CSMD1: variants seen among roughly 807,000 people sequenced by gnomAD.
The protein encoded by CSMD1 is CUB and Sushi multiple domains 1.
Under a neutral mutation model 417.5 loss-of-function variants are expected in CSMD1, and 213 were observed. The ratio of observed to expected loss-of-function variants is 0.51; its 90% CI spans 0.46 to 0.57. CSMD1 has a LOEUF of 0.57. Ranked by LOEUF, CSMD1 falls within the 20% of genes least tolerant of loss-of-function variation. The pLI, the probability that CSMD1 is intolerant of heterozygous loss-of-function variation, is 0.00. For synonymous variants in CSMD1, 2,862 were observed against 1,736.8 expected (o/e 1.65, Z -16.11); for missense variants, 6,923 against 4,529.7 (o/e 1.53, Z -15.17).
chr8:3,931,885 C>A (rs2627332), intron 5 of CSMD1, among the ~76,000 whole-genome samples: 1 of 145,430 alleles, frequency 6.9e-6, no homozygotes. Context: ...GGTTGTCAGA[C>A]ATTGTAGGAA....
intron 26 of CSMD1, among the ~76,000 whole-genome samples, chr8:3,277,360 A>T (rs1395149857): frequency 6.6e-6 from 1 of 152,156 alleles, no homozygotes; most frequent in Non-Finnish European, 1.5e-5. Context: ...GGTGGGCCAG[A>T]AAGTACGCAG....
At chr8:3,031,943 C>A (rs1441775930) in intron 50 of CSMD1, among the ~76,000 whole-genome samples, 1 of 147,912 alleles carries the variant, frequency 6.8e-6, no homozygotes, top group Admixed American at 6.8e-5. Flanking sequence ...TAGTGACTGA[C>A]AAATTAGACA....
chr8:3,289,904 G>T (rs1313995905), intron 25 of CSMD1, among the ~76,000 whole-genome samples: 1 of 147,524 alleles, frequency 6.8e-6, no homozygotes, highest in Non-Finnish European at 1.5e-5. Context: ...CCTTACCCAT[G>T]CCTGTGTCCT....
At chr8:4,648,324 A>G (rs572661901) in intron 1 of CSMD1, among the ~76,000 whole-genome samples, 1 of 152,184 alleles carries the variant, frequency 6.6e-6, no homozygotes, top group South Asian at 2.1e-4. Flanking sequence ...CCCACCTGTG[A>G]GTCACTTAGG....
At chr8:4,119,593 T>C (rs1359571776) in intron 3 of CSMD1, among the ~76,000 whole-genome samples, 1 of 3,190 alleles carries the variant, frequency 3.1e-4, no homozygotes, top group East Asian at 0.17. Flanking sequence ...TGTTCTTCTA[T>C]CTAGGGAGGA....
At chr8:3,334,789 T>A (rs745743568) in intron 23 of CSMD1, among the ~76,000 whole-genome samples, 1 of 152,164 alleles carries the variant, frequency 6.6e-6, no homozygotes, top group Non-Finnish European at 1.5e-5. Flanking sequence ...TGGGACTTCC[T>A]AGGTCTCTCT....
intron 1 of CSMD1, among the ~76,000 whole-genome samples, chr8:4,902,603 T>G (rs1464163684): frequency 6.6e-6 from 1 of 152,246 alleles, no homozygotes; most frequent in Non-Finnish European, 1.5e-5. Flanking sequence ...TAACATCCTT[T>G]GACCATTGTA....
chr8:4,034,419 T>C (rs1797512105), intron 3 of CSMD1, among the ~76,000 whole-genome samples: 1 of 152,242 alleles, frequency 6.6e-6, no homozygotes, highest in Non-Finnish European at 1.5e-5. Flanking sequence ...TAGTTCACTA[T>C]TGTCTGCAAT....
At chr8:3,863,464 C>A (rs998361500) in intron 5 of CSMD1, among the ~76,000 whole-genome samples, 3 of 151,984 alleles carry the variant, frequency 2.0e-5, no homozygotes, top group Middle Eastern at 3.4e-3. Context: ...AGTCTCTTCC[C>A]AATGACCCCA....
At chr8:4,135,442 G>A (rs138259325) in intron 3 of CSMD1, among the ~76,000 whole-genome samples, 76 of 151,696 alleles carry the variant, frequency 5.0e-4, no homozygotes, top group African/African-American at 1.8e-3. Flanking sequence ...GGGAAGGACG[G>A]AAATTATCAG....
At chr8:3,337,026 T>G (rs76566926) in intron 23 of CSMD1, among the ~76,000 whole-genome samples, 1,667 of 152,270 alleles carry the variant, frequency 0.011, 38 homozygotes, top group African/African-American at 0.038. Context: ...TCCTGTGAAC[T>G]GTAACTTTCT....
At position 4,509,856 on chromosome 8, in the gene CSMD1, G is replaced by A. The variant is rs551025553; in HGVS notation, c.303-89791C>T. Among the ~76,000 whole-genome samples, 3 of 152,278 alleles carry A rather than the reference G, an allele frequency of 2.0e-5. No homozygotes were observed. In the East Asian group the frequency reaches 5.8e-4, roughly 29 times the overall value. On this transcript the variant is annotated intron_variant, in intron 2 of 69. Coordinates refer to ENST00000635120, the MANE Select transcript of CSMD1 (RefSeq NM_033225.6). ...AATTGCCCCAAGATTCACAGCTGGT[G>A]CTTAGTAGGACAAGAAGCCAGCTCC...
chr8:3,647,276 G>A (rs566435286), intron 7 of CSMD1, among the ~76,000 whole-genome samples: 2 of 152,332 alleles, frequency 1.3e-5, no homozygotes, highest in Admixed American at 6.5e-5. Context: ...AGACCAGGGT[G>A]GCAGAACCAC....
chr8:3,617,767 T>A (rs1025639055), intron 7 of CSMD1, among the ~76,000 whole-genome samples: 5 of 152,174 alleles, frequency 3.3e-5, no homozygotes, highest in Non-Finnish European at 7.3e-5. Context: ...TTAGGAGCAA[T>A]GTCGCAATTC....
chr8:3,211,282 C>T (rs745578595), intron 30 of CSMD1, among the ~76,000 whole-genome samples: 17 of 152,196 alleles, frequency 1.1e-4, no homozygotes, highest in African/African-American at 2.6e-4. Flanking sequence ...GGTCCTCAAG[C>T]GATCCTCCTG....
chr8:4,743,411 T>C (rs1810748154), intron 1 of CSMD1, among the ~76,000 whole-genome samples: 1 of 152,122 alleles, frequency 6.6e-6, no homozygotes, highest in African/African-American at 2.4e-5. Context: ...GAGTGGTATC[T>C]TCAAAGCAAA....
At chr8:3,884,922 T>C (rs1585138756) in intron 5 of CSMD1, among the ~76,000 whole-genome samples, 1 of 146,140 alleles carries the variant, frequency 6.8e-6, no homozygotes, top group East Asian at 2.0e-4. Flanking sequence ...AATATATATA[T>C]ATATATATTC....
intron 5 of CSMD1, among the ~76,000 whole-genome samples, chr8:3,894,387 C>G (rs763045863): frequency 6.6e-6 from 1 of 152,102 alleles, no homozygotes; most frequent in Non-Finnish European, 1.5e-5. Context: ...GGAGACACAT[C>G]CTTCATGGCT....
At chr8:4,349,853 T>C (rs1427829771) in intron 3 of CSMD1, among the ~76,000 whole-genome samples, 1 of 151,902 alleles carries the variant, frequency 6.6e-6, no homozygotes, top group Non-Finnish European at 1.5e-5. Context: ...AGGTTACTTT[T>C]TAACTATGTA....
Sources: allele counts gnomAD v4.1 joint callset (sites outside exome capture counted in the v4.1 genomes callset), GRCh38; gene constraint gnomAD v4.1.1; transcripts MANE v1.5; gene names NCBI Gene and HGNC (gene_info 2026-07-23, HGNC 2026-07-21).